The following ADGRL3 variants were observed in gnomAD, a reference collection of about 807,000 sequenced individuals.
ADGRL3 encodes the protein calcium-independent alpha-latrotoxin receptor 3.
A neutral mutation model predicts 153.5 loss-of-function variants in ADGRL3; 62 were observed. The observed-to-expected ratio is 0.40, with a 90% CI of 0.33 to 0.50. The LOEUF (loss-of-function observed/expected upper bound fraction) is 0.50, where lower values mean the gene tolerates loss of function less well. ADGRL3 is among the 20% of genes least tolerant of loss of function. The pLI is 0.47. For synonymous variants in ADGRL3, 710 were observed against 672.5 expected, an observed-to-expected ratio of 1.06 and a Z score of -0.86; for missense variants, 1,641 against 1,859.4, an observed-to-expected ratio of 0.88 and a Z score of 2.16.
In ADGRL3 at chr4:62,044,649, G is replaced by A. The variant is rs1582035830; in HGVS notation, c.3814+100G>A. On this transcript the variant is annotated intron_variant, in intron 25 of 26. Coordinates refer to ENST00000683033, the MANE Select transcript of ADGRL3 (RefSeq NM_001387552.1). ...TGCAACTTCTGAACCTGTTCCACAT[G>A]ATAGAAACATTGTAAGAACATAAAA... 1.0e-5 allele frequency: 7 copies of A among 697,028 alleles called. No individual in the cohort carries two copies. In the East Asian group the frequency reaches 2.0e-4, roughly 20 times the overall value. 43.2% of individuals were successfully genotyped at this position (697,028 alleles called of 1,614,324 possible).
At chr4:61,851,200 C>T (rs191819167) in intron 9 of ADGRL3, among the ~76,000 whole-genome samples, 20 of 152,144 alleles carry the variant, frequency 1.3e-4, no homozygotes, top group Admixed American at 1.2e-3. Flanking sequence ...TTATGAAGAT[C>T]TTCAGTAGTA....
intron 2 of ADGRL3, chr4:61,385,917 A>G (rs2096730752): frequency 6.6e-6 from 1 of 152,018 alleles, no homozygotes; most frequent in East Asian, 1.9e-4. Flanking sequence ...GTGTATGTGT[A>G]TGTATCTATC....
chr4:61,729,303 T>C lies in ADGRL3; in HGVS notation c.584-1319T>C, dbSNP rs543834188. Among the ~76,000 whole-genome samples the C allele has an allele frequency of 1.7e-4, 26 of 152,084 alleles. No individual in the cohort carries two copies. The East Asian group carries it at 4.6e-3, about 27-fold the overall frequency. On this transcript the variant is annotated intron_variant, in intron 6 of 26. Transcript: ENST00000683033. ...ATTTGCAACTTTCTAAGCAGAACTTTTGATATATGCCAGTTTTTCCTTGGT... is the reference window on the plus strand; with the variant it reads ...ATTTGCAACTTTCTAAGCAGAACTTCTGATATATGCCAGTTTTTCCTTGGT...
intron 2 of ADGRL3, among the ~76,000 whole-genome samples, chr4:61,453,889 A>G (rs1001840580): frequency 1.3e-5 from 2 of 152,060 alleles, no homozygotes; most frequent in Non-Finnish European, 2.9e-5. Context: ...TAGGAACAAT[A>G]TTATCTGAGA....
intron 9 of ADGRL3, among the ~76,000 whole-genome samples, chr4:61,889,696 A>G (rs1168848608): frequency 6.6e-6 from 1 of 152,208 alleles, no homozygotes; most frequent in Non-Finnish European, 1.5e-5. Flanking sequence ...ACTTAAATAG[A>G]GGACAAAGAT....
At chr4:61,261,082 A>T (rs1301946883) in intron 1 of ADGRL3, among the ~76,000 whole-genome samples, 1 of 151,952 alleles carries the variant, frequency 6.6e-6, no homozygotes, top group Non-Finnish European at 1.5e-5. Context: ...GTGTAACCTC[A>T]ATCTCCAGGG....
chr4:61,360,347 A>T (rs2096264241), intron 1 of ADGRL3, among the ~76,000 whole-genome samples: 1 of 152,090 alleles, frequency 6.6e-6, no homozygotes, highest in Admixed American at 6.6e-5. Flanking sequence ...ATATATGAAA[A>T]ATTTCTAAAG....
At chr4:61,752,611 A>G (rs1035428125) in intron 8 of ADGRL3, among the ~76,000 whole-genome samples, 1 of 152,070 alleles carries the variant, frequency 6.6e-6, no homozygotes, top group African/African-American at 2.4e-5. Context: ...ATTTTCCTGC[A>G]CTAGTGGTTT....
At position 61,778,591 on chromosome 4, in the gene ADGRL3, A is replaced by G. The variant is rs184545649; in HGVS notation, c.1400-35218A>G. Among the ~76,000 whole-genome samples the G allele has an allele frequency of 7.5e-4, 114 of 152,322 alleles. 1 individual carries two copies. The highest frequency in any genetic ancestry group is 2.6e-3 in the African/African-American group (108 of 41,582). Reference sequence around the variant, plus strand: ...CATTCGGTTTTTTAAAATTTATCCAACTATGCCCTTTTTATGTTGTACTTA... The same window carrying G: ...CATTCGGTTTTTTAAAATTTATCCAGCTATGCCCTTTTTATGTTGTACTTA... On this transcript the variant is annotated intron_variant, in intron 8 of 26. Transcript: ENST00000683033.
intron 1 of ADGRL3, among the ~76,000 whole-genome samples, chr4:61,203,278 G>A (rs909401551): frequency 1.3e-5 from 2 of 152,170 alleles, no homozygotes; most frequent in Non-Finnish European, 2.9e-5. Flanking sequence ...CGAGGCTTGC[G>A]AGCCACCTCC....
chr4:61,951,517 TAGAC>T (rs1435713137), intron 17 of ADGRL3, among the ~76,000 whole-genome samples: 1 of 152,338 alleles, frequency 6.6e-6, no homozygotes, highest in South Asian at 2.1e-4. Context: ...GTTGCAATGT[TAGAC>T]AGATTATTCC....
chr4:61,449,197 G>A (rs1471769942), intron 2 of ADGRL3, among the ~76,000 whole-genome samples: 1 of 151,942 alleles, frequency 6.6e-6, no homozygotes, highest in East Asian at 1.9e-4. Context: ...GTGGAATGGG[G>A]TGATCCTGGC....
intron 1 of ADGRL3, among the ~76,000 whole-genome samples, chr4:61,220,847 G>A (rs936058813): frequency 5.9e-5 from 9 of 152,128 alleles, no homozygotes; most frequent in South Asian, 2.1e-4. Flanking sequence ...TTACAGCAGC[G>A]TCAGATAAGC....
chr4:62,070,426 T>A lies in ADGRL3; in HGVS notation c.4150T>A (p.Phe1384Ile). 1 of 1,551,376 alleles carries A rather than the reference T, an allele frequency of 6.4e-7. No individual in the cohort carries two copies. The highest frequency in any genetic ancestry group is 2.4e-5 in the East Asian group (1 of 40,840). Reference protein sequence around the residue: ...DAIVLDDATSFNHEESLGLEL... With the variant: ...DAIVLDDATSINHEESLGLEL... ...CATTGTCCTGGATGATGCCACCTCG[T>A]TTAACCACGAGGAGAGTTTGGGCCT... Residue 1384 changes from phenylalanine (F) to isoleucine (I), a missense_variant, in exon 27 of 27, where the codon TTT becomes ATT. Phe to Ile is a conservative substitution (Grantham distance 21). Around this residue, in one of 5 missense-constraint regions of ADGRL3, gnomAD observed 517 missense variants for 555.0 expected, o/e 0.93. Coordinates refer to ENST00000683033, the MANE Select transcript of ADGRL3 (RefSeq NM_001387552.1).
chr4:62,070,434 C>T lies in ADGRL3; in HGVS notation c.4158C>T (p.His1386=), dbSNP rs773716330. The change falls in exon 27 of 27, where the codon CAC becomes CAT. Residue 1386 remains histidine (H), a synonymous_variant. Transcript: ENST00000683033. ...IVLDDATSFN[H]EESLGLELIH... ...TGGATGATGCCACCTCGTTTAACCACGAGGAGAGTTTGGGCCTGGAACTCA... is the reference window on the plus strand; with the variant it reads ...TGGATGATGCCACCTCGTTTAACCATGAGGAGAGTTTGGGCCTGGAACTCA... The T allele has an allele frequency of 1.4e-5, 22 of 1,551,746 alleles. No individual in the cohort carries two copies. The highest frequency in any genetic ancestry group is 1.7e-4 in the Middle Eastern group (1 of 6,018).
intron 2 of ADGRL3, among the ~76,000 whole-genome samples, chr4:61,473,725 T>A (rs985881043): frequency 7.3e-5 from 11 of 151,466 alleles, no homozygotes; most frequent in South Asian, 4.2e-4. Context: ...TTCAGCCTTT[T>A]AAAAAAAAAT....
At chr4:61,584,381 A>C (rs1478907917) in intron 4 of ADGRL3, among the ~76,000 whole-genome samples, 1 of 151,944 alleles carries the variant, frequency 6.6e-6, no homozygotes, top group Non-Finnish European at 1.5e-5. Context: ...ATACATGGAA[A>C]ATTTGGACCC....
At chr4:61,725,658 T>G (rs1480239290) in intron 6 of ADGRL3, among the ~76,000 whole-genome samples, 1 of 151,906 alleles carries the variant, frequency 6.6e-6, no homozygotes, top group Non-Finnish European at 1.5e-5. Flanking sequence ...TATGCAAAAT[T>G]TCAGTACTTA....
chr4:61,539,808 A>T (rs1318031017), intron 4 of ADGRL3, among the ~76,000 whole-genome samples: 1 of 151,698 alleles, frequency 6.6e-6, no homozygotes, highest in African/African-American at 2.4e-5. Context: ...GCAGAGAAGC[A>T]CCCCCACCTA....
Sources: gnomAD v4.1 joint callset for allele counts (sites outside exome capture counted in the v4.1 genomes callset) on GRCh38, gnomAD v4.1.1 for gene constraint, gnomAD v4.1.1 regional missense constraint, MANE v1.5 for transcripts, NCBI Gene and HGNC (gene_info 2026-07-23, HGNC 2026-07-21) for gene names.